Variants in MYO10 observed in about 807,000 individuals in gnomAD.
The protein encoded by MYO10 is unconventional myosin-X.
MYO10 carries 133 observed loss-of-function variants against 257.3 expected under a neutral mutation model. That is an observed-to-expected ratio of 0.52 (90% CI 0.45 to 0.60). MYO10 has a LOEUF of 0.60. MYO10 is among the 20% of genes least tolerant of loss of function. MYO10 has a pLI of 0.00. For synonymous variants in MYO10, 1,104 were observed against 1,028.6 expected, an observed-to-expected ratio of 1.07 and a Z score of -1.40; for missense variants, 2,399 against 2,635.7, an observed-to-expected ratio of 0.91 and a Z score of 1.97.
At chr5:16,763,809 A>G in intron 12 of MYO10, 54 bp from the exon 13 acceptor site, 1 of 1,059,458 alleles carries the variant, frequency 9.4e-7, no homozygotes, top group Non-Finnish European at 1.4e-6. Flanking sequence ...GATTATATAG[A>G]AAGGTGAAGA....
chr5:16,869,303 T>C (rs1287297335), intron 2 of MYO10, among the ~76,000 whole-genome samples: 1 of 150,596 alleles, frequency 6.6e-6, no homozygotes, highest in African/African-American at 2.4e-5. Flanking sequence ...CCTCCCAAAG[T>C]GCTGGGATTA....
chr5:16,783,222 G>T, intron 5 of MYO10, 113 bp downstream of exon 5: 1 of 1,086,210 alleles, frequency 9.2e-7, no homozygotes. Context: ...AATTGTAAAA[G>T]AGAAGTCAAG....
At chr5:16,830,235 CAA>C (rs534014625) in intron 2 of MYO10, among the ~76,000 whole-genome samples, 2 of 136,480 alleles carry the variant, frequency 1.5e-5, no homozygotes, top group Admixed American at 7.4e-5. Context: ...GACTCCATCT[CAA>C]AAAAAAAAAG....
intron 1 of MYO10, among the ~76,000 whole-genome samples, chr5:16,913,746 G>T (rs17614462): frequency 6.6e-6 from 1 of 152,126 alleles, no homozygotes; most frequent in African/African-American, 2.4e-5. Context: ...ACCAGGATAC[G>T]TAAGTATGAG....
intron 19 of MYO10, among the ~76,000 whole-genome samples, chr5:16,742,574 C>T (rs1046998050): frequency 6.6e-6 from 1 of 152,118 alleles, no homozygotes; most frequent in Non-Finnish European, 1.5e-5. Flanking sequence ...AATCCCAGCA[C>T]TTCGGGAGGC....
intron 1 of MYO10, among the ~76,000 whole-genome samples, chr5:16,901,766 T>C (rs1005159732): frequency 6.6e-6 from 1 of 152,314 alleles, no homozygotes; most frequent in Admixed American, 6.5e-5. Flanking sequence ...CCCTCTGTGC[T>C]ACCCCAGTGC....
Position 16,758,125 on chromosome 5 carries a change from T to A in MYO10, c.1841A>T (p.Gln614Leu). Residue 614 changes from glutamine to leucine, a missense_variant, in exon 18 of 41, where the codon CAG (glutamine) becomes CTG (leucine). Gln to Leu is a moderately radical substitution (Grantham distance 113). Around this residue, in one of 3 missense-constraint regions of MYO10, gnomAD observed 1,820 missense variants for 1,939.4 expected, o/e 0.94. Transcript: ENST00000513610. Reference protein sequence around the residue: ...SKHRRPTVSSQFKDSLHSLMA... With the variant: ...SKHRRPTVSSLFKDSLHSLMA... ...CCAGCAGTGAAAACGAACCTTGAAC[T>A]GTGAGCTGACTGTAGGCCGCCGATG... is the stretch of plus-strand genomic sequence containing the variant. 1 of 1,606,372 alleles carries A rather than the reference T, an allele frequency of 6.2e-7. No homozygotes were observed. The highest frequency in any genetic ancestry group is 8.5e-7 in the Non-Finnish European group (1 of 1,172,968).
At chr5:16,754,564 TAA>T (rs200037446) in intron 19 of MYO10, among the ~76,000 whole-genome samples, 14 of 132,430 alleles carry the variant, frequency 1.1e-4, no homozygotes, top group Non-Finnish European at 8.2e-5. Context: ...AACCAAACGC[TAA>T]AAAAAAAAAA....
chr5:16,779,933 G>C lies in MYO10; in HGVS notation c.827-285C>G, dbSNP rs183268735. Among the ~76,000 whole-genome samples the C allele has an allele frequency of 4.6e-3, 693 of 152,196 alleles. 8 individuals are homozygous for C. Among genetic ancestry groups the C allele is most frequent in the Non-Finnish European group, 7.1e-3 (485 of 68,008 alleles). On this transcript the variant is annotated intron_variant, in intron 8 of 40. Coordinates refer to ENST00000513610, the MANE Select transcript of MYO10 (RefSeq NM_012334.3). ...TTTCTTTTTAATGAAACAGAGTCTAGCTCTGTCACCCAGGCTGGAGTGCAG... is the reference window on the plus strand; with the variant it reads ...TTTCTTTTTAATGAAACAGAGTCTACCTCTGTCACCCAGGCTGGAGTGCAG...
chr5:16,668,534 C>T lies in MYO10; in HGVS notation c.5884-66G>A, dbSNP rs1736286432. 51 of 1,361,356 alleles carry T rather than the reference C, an allele frequency of 3.7e-5. 1 individual carries two copies. Among genetic ancestry groups the T allele is most frequent in the South Asian group, 5.9e-5 (4 of 68,168 alleles). The allele number at this position is 1,361,356 out of a possible 1,614,324, so 84.3% of individuals were successfully genotyped here. On this transcript the variant is annotated intron_variant, in intron 39 of 40. Coordinates refer to ENST00000513610, the MANE Select transcript of MYO10 (RefSeq NM_012334.3). ...GGTTGGCAACAGAAAGCATCTAAAC[C>T]ATAAGACAGGCTTTGAGTGAAGTCC...
Position 16,706,847 on chromosome 5 carries a change from T to C in MYO10, c.2170-2162A>G, listed in dbSNP as rs546698975. The stretch of plus-strand genomic sequence containing the variant: ...TTCACCAACCTAAAGGGCAAACAAA[T>C]AGAGAAAATGCTTTTAGGGACCTGT... On this transcript the variant is annotated intron_variant, in intron 21 of 40. Transcript: ENST00000513610. 2.8e-3 allele frequency among the ~76,000 whole-genome samples: 422 copies of C among 152,246 alleles called. 2 individuals carry two copies. Among genetic ancestry groups the C allele is most frequent in the African/African-American group, 9.7e-3 (402 of 41,538 alleles).
intron 1 of MYO10, among the ~76,000 whole-genome samples, chr5:16,920,976 G>A (rs1745962585): frequency 2.0e-5 from 3 of 152,152 alleles, no homozygotes; most frequent in Admixed American, 6.6e-5. Context: ...AATTAGTTGG[G>A]GCGTGGTGGT....
intron 17 of MYO10, among the ~76,000 whole-genome samples, chr5:16,761,155 T>C (rs1740702801): frequency 6.6e-6 from 1 of 152,052 alleles, no homozygotes; most frequent in Non-Finnish European, 1.5e-5. Flanking sequence ...CATGCTTGGC[T>C]AATTTTTGTA....
chr5:16,786,406 A>G (rs1228587170), intron 4 of MYO10, among the ~76,000 whole-genome samples: 1 of 152,206 alleles, frequency 6.6e-6, no homozygotes, highest in Non-Finnish European at 1.5e-5. Context: ...TCTCTTATAC[A>G]GGTGGAAGAT....
intron 3 of MYO10, among the ~76,000 whole-genome samples, chr5:16,802,307 G>A (rs1478223241): frequency 4.6e-5 from 7 of 152,096 alleles, no homozygotes; most frequent in Admixed American, 4.6e-4. Flanking sequence ...AACAACGGCT[G>A]TGATACATTT....
At chr5:16,925,416 G>T (rs527980271) in intron 1 of MYO10, among the ~76,000 whole-genome samples, 1 of 152,106 alleles carries the variant, frequency 6.6e-6, no homozygotes, top group Admixed American at 6.5e-5. Flanking sequence ...TATGGTACAC[G>T]CATTACGGTA....
At chr5:16,683,277 G>T (rs1173986610) in intron 30 of MYO10, among the ~76,000 whole-genome samples, 4 of 152,080 alleles carry the variant, frequency 2.6e-5, no homozygotes, top group African/African-American at 7.2e-5. Flanking sequence ...CTTAAATTCT[G>T]CTGCAGGCCA....
chr5:16,724,075 T>C (rs1739260686), intron 19 of MYO10, among the ~76,000 whole-genome samples: 1 of 152,130 alleles, frequency 6.6e-6, no homozygotes, highest in African/African-American at 2.4e-5. Context: ...AGCACTAGAA[T>C]AAACCTTTGG....
intron 1 of MYO10, among the ~76,000 whole-genome samples, chr5:16,891,159 G>A (rs550241854): frequency 6.6e-6 from 1 of 151,720 alleles, no homozygotes; most frequent in South Asian, 2.1e-4. Context: ...CGCGGTAGCA[G>A]GTGCCTGTAA....
Sources: gnomAD v4.1 joint callset for allele counts (sites outside exome capture counted in the v4.1 genomes callset) on GRCh38, gnomAD v4.1.1 for gene constraint, gnomAD v4.1.1 regional missense constraint, MANE v1.5 for transcripts, NCBI Gene and HGNC (gene_info 2026-07-23, HGNC 2026-07-21) for gene names.